SYNM: variants seen among roughly 807,000 people sequenced by gnomAD.
The protein encoded by SYNM is desmuslin.
SYNM carries 95 observed loss-of-function variants against 104.0 expected under a neutral mutation model. That is an observed-to-expected ratio of 0.91 (90% confidence interval 0.77 to 1.08). The LOEUF is 1.08. Ranked by LOEUF, SYNM falls within the 50% of genes least tolerant of loss-of-function variation. The pLI, the probability that SYNM is intolerant of heterozygous loss-of-function variation, is 0.00. For synonymous variants in SYNM, 918 were observed against 869.0 expected, an observed-to-expected ratio of 1.06 and a Z score of -0.99; for missense variants, 2,150 against 2,052.2, an observed-to-expected ratio of 1.05 and a Z score of -0.92.
At chr15:99,120,650 G>A (rs952236082) in intron 2 of SYNM, among the ~76,000 whole-genome samples, 3 of 152,236 alleles carry the variant, frequency 2.0e-5, no homozygotes, top group African/African-American at 7.2e-5. Context: ...CTGTAGATGA[G>A]GCAGCATGGA....
In SYNM at chr15:99,105,641, C is replaced by T. The variant is rs1555482508; in HGVS notation, c.442C>T (p.His148Tyr). ...QAERRGLDAA[H>Y]ERDVRELRAR... ...CGAGCGCCGAGGCCTCGACGCGGCC[C>T]ACGAACGCGACGTGAGGGAGCTGCG... Residue 148 changes from histidine (H) to tyrosine (Y), a missense_variant, in exon 1 of 4, where the codon CAC becomes TAC. By Grantham distance (83) the His-to-Tyr change is moderately conservative. Coordinates refer to ENST00000336292, the MANE Select transcript of SYNM (RefSeq NM_145728.3). 7.3e-7 allele frequency: 1 copy of T among 1,361,670 alleles called. No homozygotes were observed. The highest frequency in any genetic ancestry group is 3.3e-5 in the Admixed American group (1 of 29,990). The allele number at this position is 1,361,670 out of a possible 1,614,324, so 84.3% of individuals were successfully genotyped here. A position where few individuals can be genotyped will look rare whatever the true frequency, so the allele number is the denominator to read the frequency against.
Position 99,134,999 on chromosome 15 carries a change from G to T in SYNM, c.*1941G>T, listed in dbSNP as rs1202463061. The T allele has an allele frequency of 6.6e-6, 1 of 152,332 alleles. No individual in the cohort carries two copies. Among genetic ancestry groups the T allele is most frequent in the East Asian group, 1.9e-4 (1 of 5,198 alleles). 9.4% of individuals were successfully genotyped at this position (152,332 alleles called of 1,614,324 possible). A position where few individuals can be genotyped will look rare whatever the true frequency, so the allele number is the denominator to read the frequency against. On this transcript the variant is annotated 3_prime_UTR_variant, in exon 4 of 4. Coordinates refer to ENST00000336292, the MANE Select transcript of SYNM (RefSeq NM_145728.3). ...TAGATGATTGACTGGTGAGAATTTG[G>T]TCAAGGTGACAGCCTCCTGTCTGAT... is the stretch of plus-strand genomic sequence containing the variant.
Position 99,105,557 on chromosome 15 carries a change from C to T in SYNM, c.358C>T (p.Leu120=). Residue 120 remains leucine, a synonymous_variant, in exon 1 of 4, where the codon CTG becomes TTG. Transcript: ENST00000336292. The part of the protein sequence containing the change: ...DAELGAQQRE[L]QEALGARAAL... ...CGAGCTGGGTGCGCAGCAGCGCGAGCTGCAGGAGGCGCTGGGCGCGCGCGC... is the reference window on the plus strand; with the variant it reads ...CGAGCTGGGTGCGCAGCAGCGCGAGTTGCAGGAGGCGCTGGGCGCGCGCGC... The T allele has an allele frequency of 8.4e-7, 1 of 1,187,170 alleles. No individual in the cohort carries two copies. The highest frequency in any genetic ancestry group is 1.0e-6 in the Non-Finnish European group (1 of 962,048). 73.5% of individuals were successfully genotyped at this position (1,187,170 alleles called of 1,614,324 possible). A position where few individuals can be genotyped will look rare whatever the true frequency, so the allele number is the denominator to read the frequency against.
intron 2 of SYNM, among the ~76,000 whole-genome samples, chr15:99,114,095 ATG>A (rs34145195): frequency 0.36 from 54,027 of 151,868 alleles, 9,947 homozygotes; most frequent in Middle Eastern, 0.5. Flanking sequence ...GAGGGCCAGG[ATG>A]TGTTAGTGTG....
intron 2 of SYNM, among the ~76,000 whole-genome samples, chr15:99,118,124 G>A (rs8038845): frequency 0.37 from 55,966 of 152,106 alleles, 10,629 homozygotes; most frequent in Middle Eastern, 0.5. Flanking sequence ...TCTGTGCTCC[G>A]GTATAGTCTC....
At chr15:99,124,519 T>C (rs1227456673) in intron 2 of SYNM, among the ~76,000 whole-genome samples, 13 of 152,306 alleles carry the variant, frequency 8.5e-5, no homozygotes, top group African/African-American at 9.6e-5. Flanking sequence ...TTCTTACTTA[T>C]AGGAGAGCTC....
chr15:99,113,465 G>T, intron 1 of SYNM, 126 bp from the exon 2 acceptor site: 1 of 1,202,998 alleles, frequency 8.3e-7, no homozygotes, highest in Non-Finnish European at 1.2e-6. Flanking sequence ...TAATAACGCC[G>T]GGTGTTTTTC....
chr15:99,132,837 G>A lies in SYNM; in HGVS notation c.4477G>A (p.Ala1493Thr), dbSNP rs782678168. The A allele has an allele frequency of 3.7e-6, 6 of 1,613,828 alleles. No individual in the cohort carries two copies. Among genetic ancestry groups the A allele is most frequent in the African/African-American group, 1.3e-5 (1 of 74,918 alleles). ...GVSDRGSWRD[A>T]DSRNDQAVGV... The stretch of plus-strand genomic sequence containing the variant: ...GTCTGACCGTGGTTCCTGGAGAGAC[G>A]CGGACAGTAGGAATGACCAGGCAGT... The change falls in exon 4 of 4, where the codon GCG becomes ACG. Residue 1493 changes from alanine to threonine, a missense_variant. By Grantham distance (58) the Ala-to-Thr change is moderately conservative. Transcript: ENST00000336292.
In SYNM at chr15:99,133,259, C is replaced by T. The variant is rs1555486314; in HGVS notation, c.*201C>T. 1 of 1,120,840 alleles carries T rather than the reference C, an allele frequency of 8.9e-7. No individual in the cohort carries two copies. Among genetic ancestry groups the T allele is most frequent in the African/African-American group, 1.6e-5 (1 of 63,706 alleles). The allele number at this position is 1,120,840 out of a possible 1,614,324, so 69.4% of individuals were successfully genotyped here. A position where few individuals can be genotyped will look rare whatever the true frequency, so the allele number is the denominator to read the frequency against. Reference sequence around the variant, plus strand: ...TTAATTCATGCCTTAAAAGGCACTGCAATTTTATTTTTGAGTTGGGACTTT... The same window carrying T: ...TTAATTCATGCCTTAAAAGGCACTGTAATTTTATTTTTGAGTTGGGACTTT... On this transcript the variant is annotated 3_prime_UTR_variant, in exon 4 of 4. Coordinates refer to ENST00000336292, the MANE Select transcript of SYNM (RefSeq NM_145728.3).
At chr15:99,119,405 G>A (rs115956252) in intron 2 of SYNM, among the ~76,000 whole-genome samples, 2,768 of 152,288 alleles carry the variant, frequency 0.018, 84 homozygotes, top group African/African-American at 0.062. Flanking sequence ...TGATTCGTGC[G>A]CACACTGCTG....
chr15:99,130,139 G>A lies in SYNM; in HGVS notation c.1779G>A (p.Pro593=), dbSNP rs782785979. ...VSQDRRAEVS[P]KGLQTPVKDA... Reference sequence around the variant, plus strand: ...AGGACAGAAGAGCAGAGGTGTCCCCGAAAGGTTTGCAGACGCCTGTGAAGG... The same window carrying A: ...AGGACAGAAGAGCAGAGGTGTCCCCAAAAGGTTTGCAGACGCCTGTGAAGG... The change falls in exon 4 of 4, where the codon CCG becomes CCA. Residue 593 remains proline, a synonymous_variant. Transcript: ENST00000336292. 3.3e-5 allele frequency: 53 copies of A among 1,613,814 alleles called. No homozygotes were observed. Among genetic ancestry groups the A allele is most frequent in the Admixed American group, 5.0e-5 (3 of 60,006 alleles).
At chr15:99,126,870 C>G in intron 3 of SYNM, 78 bp downstream of exon 3, 8 of 1,312,404 alleles carry the variant, frequency 6.1e-6, no homozygotes, top group Non-Finnish European at 8.4e-6. Flanking sequence ...AAAGCACCAT[C>G]ATCGGGAAGA....
In SYNM at chr15:99,132,864, G is replaced by A; in HGVS notation, c.4504G>A (p.Gly1502Ser). 6.2e-7 allele frequency: 1 copy of A among 1,613,924 alleles called. No individual in the cohort carries two copies. The highest frequency in any genetic ancestry group is 8.5e-7 in the Non-Finnish European group (1 of 1,179,862). ...GGACAGTAGGAATGACCAGGCAGTTGGTGTGAGCTTTAAGGCCTCTGCTGG... is the reference window on the plus strand; with the variant it reads ...GGACAGTAGGAATGACCAGGCAGTTAGTGTGAGCTTTAAGGCCTCTGCTGG... ...DADSRNDQAVGVSFKASAGEG... is the reference protein window; with the variant it reads ...DADSRNDQAVSVSFKASAGEG... Residue 1502 changes from glycine to serine, a missense_variant, in exon 4 of 4, where the codon GGT (glycine) becomes AGT (serine). Transcript: ENST00000336292.
chr15:99,128,983 A>C (rs1555485327), intron 3 of SYNM: 1 of 192,522 alleles, frequency 5.2e-6, no homozygotes, highest in Non-Finnish European at 1.1e-5. Context: ...CAGTAAATTA[A>C]ACTTACCTCA....
intron 2 of SYNM, among the ~76,000 whole-genome samples, chr15:99,114,349 G>C (rs994467812): frequency 1.3e-5 from 2 of 152,050 alleles, no homozygotes; most frequent in Non-Finnish European, 2.9e-5. Flanking sequence ...CATGAGAACA[G>C]CGTGGGGAAA....
chr15:99,129,633 G>A lies in SYNM; in HGVS notation c.1273G>A (p.Val425Ile), dbSNP rs782022980. 1.1e-5 allele frequency: 18 copies of A among 1,613,784 alleles called. No homozygotes were observed. The highest frequency in any genetic ancestry group is 1.6e-4 in the Middle Eastern group (1 of 6,084). Reference sequence around the variant, plus strand: ...AAAAGCCGTCAGCAGTCAAACCAACGTCAGAACTTTCTCTCCAACCTATGG... The same window carrying A: ...AAAAGCCGTCAGCAGTCAAACCAACATCAGAACTTTCTCTCCAACCTATGG... ...YGKAVSSQTN[V>I]RTFSPTYGLL... Residue 425 changes from valine to isoleucine, a missense_variant, in exon 4 of 4, where the codon GTC (valine) becomes ATC (isoleucine). Transcript: ENST00000336292.
At chr15:99,138,740 G>A (rs769566623), downstream of SYNM, among the ~76,000 whole-genome samples, 28 of 152,212 alleles carry the variant, frequency 1.8e-4, no homozygotes, top group South Asian at 4.1e-4. Flanking sequence ...TCCCTGGCTC[G>A]CCTTCCCTGC....
At chr15:99,107,938 TGTTTTTTGTTTTGTTTTTTTTTTGG>T (rs2067263332) in intron 1 of SYNM, among the ~76,000 whole-genome samples, 3 of 126,398 alleles carry the variant, frequency 2.4e-5, no homozygotes, top group Admixed American at 2.3e-4. Context: ...TTTTTTTTTT[TGTTTTTTGTTTTGTTTTTTTTTTGG>T]TTTTGGTTTT....
Position 99,131,725 on chromosome 15 carries a change from A to G in SYNM, c.3365A>G (p.Gln1122Arg). The G allele has an allele frequency of 6.2e-7, 1 of 1,613,836 alleles. No individual in the cohort carries two copies. The highest frequency in any genetic ancestry group is 1.3e-5 in the African/African-American group (1 of 75,072). ...AQSQVLEDVSQAARHIKLGPS... is the reference protein window; with the variant it reads ...AQSQVLEDVSRAARHIKLGPS... Reference sequence around the variant, plus strand: ...TCACAGGTGCTGGAGGATGTGAGCCAGGCTGCAAGGCACATAAAACTCGGC... The same window carrying G: ...TCACAGGTGCTGGAGGATGTGAGCCGGGCTGCAAGGCACATAAAACTCGGC... Residue 1122 changes from glutamine to arginine, a missense_variant, in exon 4 of 4, where the codon CAG (glutamine) becomes CGG (arginine). Transcript: ENST00000336292. This position sits in a 1 kb window ranked among gnomAD's most constrained non-coding sequence, Gnocchi z 4.3.
Sources: allele counts gnomAD v4.1 joint callset (sites outside exome capture counted in the v4.1 genomes callset), GRCh38; gene constraint gnomAD v4.1.1; non-coding constraint Gnocchi (gnomAD v3.1); transcripts MANE v1.5; gene names NCBI Gene and HGNC (gene_info 2026-07-23, HGNC 2026-07-21).